HECTD2: variants seen among roughly 807,000 people sequenced by gnomAD.
The protein encoded by HECTD2 is probable E3 ubiquitin-protein ligase HECTD2.
In HECTD2, 35 loss-of-function variants were observed where a neutral mutation model predicts 103.2. The observed-to-expected ratio is 0.34, with a 90% CI of 0.26 to 0.45. The LOEUF is 0.45. Ranked by LOEUF, HECTD2 falls within the 20% of genes least tolerant of loss-of-function variation. The pLI, the probability that HECTD2 is intolerant of heterozygous loss-of-function variation, is 1.00. For synonymous variants in HECTD2, 281 were observed against 329.9 expected (o/e 0.85, Z 1.61); for missense variants, 596 against 937.4 (o/e 0.64, Z 4.76).
intron 20 of HECTD2, among the ~76,000 whole-genome samples, chr10:91,504,199 A>T (rs2133364104): frequency 6.6e-6 from 1 of 152,342 alleles, no homozygotes; most frequent in South Asian, 2.1e-4. Flanking sequence ...GAAAAACTGG[A>T]AACTCTAAAA....
At position 91,496,388 on chromosome 10, in the gene HECTD2, T is replaced by C. The variant is rs1226794740; in HGVS notation, c.1680+16T>C. ...AATTATGCCTGTAAGTATAAAGTTA[T>C]TAATATCTTGTCCTTTAATGCGAAA... is the stretch of plus-strand genomic sequence containing the variant. On this transcript the variant is annotated intron_variant, in intron 15 of 20. Transcript: ENST00000298068. 20 of 1,577,038 alleles carry C rather than the reference T, an allele frequency of 1.3e-5. No homozygotes were observed. Among genetic ancestry groups the C allele is most frequent in the Non-Finnish European group, 1.6e-5 (19 of 1,153,170 alleles).
intron 20 of HECTD2, among the ~76,000 whole-genome samples, chr10:91,509,033 C>A (rs1446018825): frequency 6.7e-6 from 1 of 148,788 alleles, no homozygotes; most frequent in African/African-American, 2.5e-5. Context: ...AACAAAAAAC[C>A]AAACACCGCA....
At chr10:91,428,600 G>T (rs2133051336) in intron 2 of HECTD2, among the ~76,000 whole-genome samples, 1 of 152,214 alleles carries the variant, frequency 6.6e-6, no homozygotes, top group South Asian at 2.1e-4. Context: ...CACATCCCTT[G>T]TAAGTTGGAT....
Position 91,500,570 on chromosome 10 carries a change from G to A in HECTD2, c.2019G>A (p.Gln673=), listed in dbSNP as rs114532589. ...CTGACCTGGATATGCATGCTCTGCA[G>A]AGAAGTACTCAGTATGATGGCTATG... is the stretch of plus-strand genomic sequence containing the variant. ...GSPDLDMHAL[Q]RSTQYDGYAK... is the part of the protein sequence containing the mutation. Residue 673 remains glutamine (Q), a synonymous_variant, in exon 19 of 21, where the codon CAG becomes CAA. Transcript: ENST00000298068. 2,074 of 1,612,168 alleles carry A rather than the reference G, an allele frequency of 1.3e-3. 24 individuals are homozygous for A. The African/African-American group carries it at 0.024, about 18-fold the overall frequency.
At chr10:91,475,118 T>C (rs1300237028) in intron 5 of HECTD2, among the ~76,000 whole-genome samples, 2 of 152,160 alleles carry the variant, frequency 1.3e-5, no homozygotes, top group Non-Finnish European at 2.9e-5. Context: ...AGTCATTGAG[T>C]GTTTTCGGCA....
chr10:91,433,299 T>C (rs998670385), intron 2 of HECTD2, among the ~76,000 whole-genome samples: 17 of 151,958 alleles, frequency 1.1e-4, no homozygotes. Context: ...AAAATAAATA[T>C]GTTTCAGACA....
At chr10:91,485,707 G>A (rs1289262568) in intron 10 of HECTD2, 1 of 156,612 alleles carries the variant, frequency 6.4e-6, no homozygotes, top group Admixed American at 6.5e-5. Flanking sequence ...GGATGTAAAT[G>A]AATAGATATG....
At chr10:91,497,134 T>C (rs1846701990) in intron 15 of HECTD2, among the ~76,000 whole-genome samples, 1 of 142,486 alleles carries the variant, frequency 7.0e-6, no homozygotes, top group Non-Finnish European at 1.5e-5. Flanking sequence ...AAATTTTTTT[T>C]TTTTTTTTTT....
intron 2 of HECTD2, among the ~76,000 whole-genome samples, chr10:91,441,913 T>TCC (rs1230406736): frequency 7.6e-6 from 1 of 132,032 alleles, no homozygotes; most frequent in Non-Finnish European, 1.5e-5. Context: ...TTTTTCTTTT[T>TCC]TTTTTGCTTT....
rs926754998 is a variant in HECTD2, at chr10:91,446,084, T to C, written c.269-14343T>C. Among the ~76,000 whole-genome samples the C allele has an allele frequency of 2.0e-5, 3 of 152,074 alleles. No homozygotes were observed. The East Asian group carries it at 5.8e-4, about 29-fold the overall frequency. On this transcript the variant is annotated intron_variant, in intron 2 of 20. Coordinates refer to ENST00000298068, the MANE Select transcript of HECTD2 (RefSeq NM_182765.6). ...ACACCCATGTGTCCTGACTGGGAGA[T>C]ACCTCCCAGCAGGGGTTGACCAACA...
chr10:91,453,850 T>TA (rs1435375638), intron 2 of HECTD2, among the ~76,000 whole-genome samples: 4 of 152,170 alleles, frequency 2.6e-5, no homozygotes, highest in Admixed American at 2.6e-4. Flanking sequence ...GAAGACATTT[T>TA]ATGCAAACAT....
At chr10:91,475,581 G>T (rs933839944) in intron 5 of HECTD2, among the ~76,000 whole-genome samples, 3 of 152,172 alleles carry the variant, frequency 2.0e-5, no homozygotes, top group African/African-American at 7.2e-5. Context: ...GGAATGAGTT[G>T]ACAATGAGAA....
chr10:91,509,019 C>T (rs1430381665), intron 20 of HECTD2, among the ~76,000 whole-genome samples: 3 of 150,588 alleles, frequency 2.0e-5, no homozygotes, highest in Non-Finnish European at 2.9e-5. Context: ...TAAACTATCG[C>T]AATAACAAAA....
At chr10:91,508,026 A>G (rs1295122760) in intron 20 of HECTD2, among the ~76,000 whole-genome samples, 1 of 129,412 alleles carries the variant, frequency 7.7e-6, no homozygotes, top group Non-Finnish European at 1.5e-5. Flanking sequence ...TGGGGAAAGG[A>G]TTCCCTATTT....
chr10:91,427,510 CTGT>C (rs1166695148), intron 2 of HECTD2, among the ~76,000 whole-genome samples: 1 of 152,152 alleles, frequency 6.6e-6, no homozygotes, highest in African/African-American at 2.4e-5. Context: ...TCTCCAGCAC[CTGT>C]TGTTTCCTGA....
intron 2 of HECTD2, among the ~76,000 whole-genome samples, chr10:91,426,177 T>C (rs1047362889): frequency 2.6e-5 from 4 of 152,084 alleles, no homozygotes; most frequent in Non-Finnish European, 5.9e-5. Flanking sequence ...GATCTGTTAA[T>C]GGTTTCCTCA....
chr10:91,483,603 G>T (rs1271587229), intron 8 of HECTD2, among the ~76,000 whole-genome samples: 1 of 151,830 alleles, frequency 6.6e-6, no homozygotes, highest in Non-Finnish European at 1.5e-5. Context: ...AAAGTAGAAA[G>T]GCAAAATATT....
Position 91,461,259 on chromosome 10 carries a change from A to T in HECTD2, c.413A>T (p.Asp138Val). ...TTAATGTGTTTTCATTTTAGGGAAGATGTAGAAAAAGTTAAGTCATCAGGA... is the reference window on the plus strand; with the variant it reads ...TTAATGTGTTTTCATTTTAGGGAAGTTGTAGAAAAAGTTAAGTCATCAGGA... ...QPKTVKDFQE[D>V]VEKVKSSGDW... The change falls in exon 4 of 21, where the codon GAT (aspartate) becomes GTT (valine). Residue 138 changes from aspartate (D) to valine (V), a missense_variant. Asp to Val is a radical substitution (Grantham distance 152). This residue lies in a region of HECTD2 where 220 missense variants were observed against 233.9 expected (regional missense o/e 0.94). Transcript: ENST00000298068. The T allele has an allele frequency of 7.0e-7, 1 of 1,432,678 alleles. No individual in the cohort carries two copies. 88.7% of individuals were successfully genotyped at this position (1,432,678 alleles called of 1,614,324 possible).
intron 5 of HECTD2, among the ~76,000 whole-genome samples, chr10:91,474,444 A>G (rs969712114): frequency 6.6e-6 from 1 of 152,216 alleles, no homozygotes; most frequent in African/African-American, 2.4e-5. Flanking sequence ...TTCTAAACCA[A>G]AGGAAGTTGA....
Sources: gnomAD v4.1 joint callset for allele counts (sites outside exome capture counted in the v4.1 genomes callset) on GRCh38, gnomAD v4.1.1 for gene constraint, gnomAD v4.1.1 regional missense constraint, MANE v1.5 for transcripts, NCBI Gene and HGNC (gene_info 2026-07-23, HGNC 2026-07-21) for gene names.